The following MACROD2 variants were observed in gnomAD, a reference collection of about 807,000 sequenced individuals.
The protein encoded by MACROD2 is ADP-ribose glycohydrolase MACROD2.
Under a neutral mutation model 70.4 loss-of-function variants are expected in MACROD2, and 36 were observed. The observed-to-expected ratio is 0.51, with a 90% CI of 0.39 to 0.68. The LOEUF is 0.68. MACROD2 is among the 30% of genes least tolerant of loss of function. The pLI, the probability that MACROD2 is intolerant of heterozygous loss-of-function variation, is 0.00. For synonymous variants in MACROD2, 172 were observed against 178.8 expected (o/e 0.96, Z 0.30); for missense variants, 496 against 538.4 (o/e 0.92, Z 0.78).
intron 5 of MACROD2, among the ~76,000 whole-genome samples, chr20:14,687,863 G>A (rs2071020133): frequency 6.6e-6 from 1 of 152,172 alleles, no homozygotes; most frequent in African/African-American, 2.4e-5. Flanking sequence ...GGAAAGCAAG[G>A]AAAGCAATAT....
At chr20:15,491,073 C>A (rs2047225822) in intron 7 of MACROD2, among the ~76,000 whole-genome samples, 2 of 152,130 alleles carry the variant, frequency 1.3e-5, no homozygotes, top group African/African-American at 4.8e-5. Context: ...AGTAGAGTGA[C>A]TTATACATAA....
chr20:15,206,863 A>G (rs2076712042), intron 5 of MACROD2, among the ~76,000 whole-genome samples: 1 of 150,524 alleles, frequency 6.6e-6, no homozygotes, highest in African/African-American at 2.5e-5. Flanking sequence ...CAGCCTCCCG[A>G]GTAGCTGGGA....
At chr20:15,215,434 T>C (rs2145955289) in intron 5 of MACROD2, among the ~76,000 whole-genome samples, 1 of 152,226 alleles carries the variant, frequency 6.6e-6, no homozygotes, top group South Asian at 2.1e-4. Context: ...CATTCCTTGT[T>C]AAAATATCTA....
chr20:15,473,787 C>T (rs1320249480), intron 7 of MACROD2, among the ~76,000 whole-genome samples: 1 of 152,186 alleles, frequency 6.6e-6, no homozygotes, highest in East Asian at 1.9e-4. Flanking sequence ...TCCCAGTTTG[C>T]TTTTCTCTTC....
intron 3 of MACROD2, among the ~76,000 whole-genome samples, chr20:14,343,207 G>T (rs1176925911): frequency 6.6e-6 from 1 of 150,838 alleles, no homozygotes; most frequent in Non-Finnish European, 1.5e-5. Context: ...CCACTCCCCA[G>T]TGCCCTGTCC....
intron 5 of MACROD2, chr20:14,888,750 G>C (rs754700747): frequency 6.6e-6 from 1 of 152,078 alleles, no homozygotes; most frequent in Non-Finnish European, 1.5e-5. Context: ...CATGTTTTGC[G>C]CTTAAGTTTT....
chr20:15,814,334 C>G (rs971111432), intron 8 of MACROD2, among the ~76,000 whole-genome samples: 1 of 152,168 alleles, frequency 6.6e-6, no homozygotes, highest in African/African-American at 2.4e-5. Flanking sequence ...AAATTAACAT[C>G]CCTTAAAACC....
At chr20:14,736,036 C>A (rs1311342842) in intron 5 of MACROD2, among the ~76,000 whole-genome samples, 3 of 151,932 alleles carry the variant, frequency 2.0e-5, no homozygotes, top group Non-Finnish European at 4.4e-5. Context: ...ATGTTTATAG[C>A]AGCAATATTC....
intron 5 of MACROD2, among the ~76,000 whole-genome samples, chr20:14,786,300 C>T (rs2072373321): frequency 1.3e-5 from 2 of 150,742 alleles, no homozygotes; most frequent in Non-Finnish European, 2.9e-5. Flanking sequence ...GATGGCTTGC[C>T]TTTATCACCA....
intron 8 of MACROD2, among the ~76,000 whole-genome samples, chr20:15,550,232 T>C (rs1316745036): frequency 7.3e-6 from 1 of 137,050 alleles, no homozygotes; most frequent in Non-Finnish European, 1.6e-5. Flanking sequence ...ATACCCACTG[T>C]TTTATTATTT....
At chr20:15,422,965 A>G (rs1168609864) in intron 6 of MACROD2, among the ~76,000 whole-genome samples, 2 of 152,162 alleles carry the variant, frequency 1.3e-5, no homozygotes, top group South Asian at 4.1e-4. Flanking sequence ...TTTACATTCC[A>G]TCTTCTGGTT....
chr20:14,589,604 A>G (rs926351062), intron 4 of MACROD2, among the ~76,000 whole-genome samples: 1 of 152,202 alleles, frequency 6.6e-6, no homozygotes, highest in Non-Finnish European at 1.5e-5. Flanking sequence ...TTTTAATAAC[A>G]TAATTTAAAC....
At chr20:15,773,211 G>T (rs2051666252) in intron 8 of MACROD2, among the ~76,000 whole-genome samples, 1 of 151,950 alleles carries the variant, frequency 6.6e-6, no homozygotes, top group Admixed American at 6.5e-5. Context: ...ACAAATAATT[G>T]GTTTTGTTTT....
intron 3 of MACROD2, among the ~76,000 whole-genome samples, chr20:14,455,141 G>A (rs1225392976): frequency 1.3e-5 from 2 of 151,798 alleles, no homozygotes; most frequent in East Asian, 1.9e-4. Flanking sequence ...CTCAAGAGGT[G>A]TCCAGGCAAT....
chr20:15,816,781 T>C (rs2063880891), intron 8 of MACROD2, among the ~76,000 whole-genome samples: 1 of 152,178 alleles, frequency 6.6e-6, no homozygotes, highest in Non-Finnish European at 1.5e-5. Context: ...TATAGCAGGA[T>C]CCCTGTCTCC....
intron 2 of MACROD2, among the ~76,000 whole-genome samples, chr20:14,075,910 T>A (rs1279391441): frequency 6.6e-6 from 1 of 152,198 alleles, no homozygotes; most frequent in Non-Finnish European, 1.5e-5. Flanking sequence ...CGATGTCACC[T>A]CAGTTACTGC....
intron 8 of MACROD2, among the ~76,000 whole-genome samples, chr20:15,548,292 T>C (rs530689191): frequency 1.3e-5 from 2 of 152,336 alleles, no homozygotes; most frequent in East Asian, 3.9e-4. Context: ...AACATAGTGA[T>C]TTTAAAACAT....
chr20:14,274,818 T>C (rs1324613561), intron 3 of MACROD2, among the ~76,000 whole-genome samples: 3 of 151,238 alleles, frequency 2.0e-5, no homozygotes, highest in Non-Finnish European at 4.4e-5. Flanking sequence ...ACAAAATCAA[T>C]GTACAAAAAT....
chr20:14,767,755 A>C (rs143991888), intron 5 of MACROD2, among the ~76,000 whole-genome samples: 3,341 of 151,872 alleles, frequency 0.022, 139 homozygotes, highest in African/African-American at 0.076. Context: ...CCTGTCATCT[A>C]CATTAGGTAT....
Sources: allele counts gnomAD v4.1 joint callset (sites outside exome capture counted in the v4.1 genomes callset), GRCh38; gene constraint gnomAD v4.1.1; transcripts MANE v1.5; gene names NCBI Gene and HGNC (gene_info 2026-07-23, HGNC 2026-07-21).